Variants in NEGR1 observed in about 807,000 individuals in gnomAD.
NEGR1 encodes IgLON family member 4.
NEGR1 carries 10 observed loss-of-function variants against 40.9 expected under a neutral mutation model. That is an observed-to-expected ratio of 0.24 (90% CI 0.15 to 0.42). NEGR1 has a LOEUF of 0.42. Among genes scored for constraint, NEGR1 ranks in the 10% least tolerant of loss-of-function variants. NEGR1 has a pLI of 1.00. For missense variants in NEGR1, 352 were observed against 438.9 expected (o/e 0.80, Z 1.77); for synonymous variants, 185 against 166.8 (o/e 1.11, Z -0.84).
intron 6 of NEGR1, among the ~76,000 whole-genome samples, chr1:71,568,505 T>C (rs1403111916): frequency 6.6e-6 from 1 of 152,170 alleles, no homozygotes; most frequent in Non-Finnish European, 1.5e-5. Context: ...AAGAAATTTG[T>C]TCATTACTAG....
intron 1 of NEGR1, among the ~76,000 whole-genome samples, chr1:71,983,948 CCAG>C (rs1646374972): frequency 8.5e-6 from 1 of 117,614 alleles, no homozygotes; most frequent in East Asian, 5.8e-4. Flanking sequence ...AATTGTTCTA[CCAG>C]TCATAGAATC....
intron 1 of NEGR1, among the ~76,000 whole-genome samples, chr1:72,047,321 G>C (rs1338612776): frequency 6.6e-6 from 1 of 151,112 alleles, no homozygotes; most frequent in Non-Finnish European, 1.5e-5. Context: ...CAGCATGTAA[G>C]AAAATGAAAA....
chr1:71,635,450 A>G (rs1651115272), intron 4 of NEGR1, among the ~76,000 whole-genome samples: 1 of 152,040 alleles, frequency 6.6e-6, no homozygotes, highest in Admixed American at 6.6e-5. Context: ...AGTATAGAGT[A>G]CTATAGAGTT....
chr1:72,091,811 T>A (rs931809520), intron 1 of NEGR1, among the ~76,000 whole-genome samples: 1 of 152,174 alleles, frequency 6.6e-6, no homozygotes, highest in Non-Finnish European at 1.5e-5. Context: ...AGAAGTCCAA[T>A]ATCAAGATGC....
chr1:71,684,383 C>G (rs541252199), intron 4 of NEGR1, among the ~76,000 whole-genome samples: 1 of 152,194 alleles, frequency 6.6e-6, no homozygotes, highest in East Asian at 1.9e-4. Context: ...TTAAAACTTT[C>G]TTTAAGCGTT....
At chr1:71,459,222 C>T (rs1646697491) in intron 6 of NEGR1, among the ~76,000 whole-genome samples, 1 of 152,106 alleles carries the variant, frequency 6.6e-6, no homozygotes, top group African/African-American at 2.4e-5. Context: ...TTTAAAAGAA[C>T]AGCTTTAAGA....
At chr1:72,155,117 C>T (rs1651310951) in intron 1 of NEGR1, among the ~76,000 whole-genome samples, 1 of 151,710 alleles carries the variant, frequency 6.6e-6, no homozygotes, top group Non-Finnish European at 1.5e-5. Context: ...CACGGTGTAC[C>T]AGAAGTTCAT....
intron 6 of NEGR1, among the ~76,000 whole-genome samples, chr1:71,590,526 G>A (rs771444155): frequency 2.0e-5 from 3 of 151,894 alleles, no homozygotes; most frequent in Admixed American, 1.3e-4. Context: ...GCTTTGCCGG[G>A]TGTAGGCATT....
intron 2 of NEGR1, among the ~76,000 whole-genome samples, chr1:71,857,341 G>T (rs1342762078): frequency 6.6e-6 from 1 of 151,412 alleles, no homozygotes; most frequent in Non-Finnish European, 1.5e-5. Context: ...GCCAGGCACT[G>T]TGGCTCATGC....
intron 4 of NEGR1, among the ~76,000 whole-genome samples, chr1:71,667,210 C>G (rs1889636): frequency 0.029 from 4,366 of 152,198 alleles, 174 homozygotes; most frequent in African/African-American, 0.09. Context: ...GTTAGAAACA[C>G]AAGAGTTTAG....
chr1:72,191,423 GA>G (rs1652816610), intron 1 of NEGR1, among the ~76,000 whole-genome samples: 1 of 151,724 alleles, frequency 6.6e-6, no homozygotes, highest in African/African-American at 2.4e-5. Context: ...CACACAAAGG[GA>G]GAATGAGAGA....
rs1460935 is a variant in NEGR1, at chr1:72,208,626, T to C, written c.176+73693A>G. ...GTAGATTATAATTAAAGCACACCTA[T>C]AAAAACAAGGCTCACGTTAGCACTG... On this transcript the variant is annotated intron_variant, in intron 1 of 6. Transcript: ENST00000357731. 8.0e-3 allele frequency among the ~76,000 whole-genome samples: 1,214 copies of C among 151,786 alleles called. 23 individuals carry two copies. Among genetic ancestry groups the C allele is most frequent in the African/African-American group, 0.028 (1,158 of 41,522 alleles).
At chr1:72,196,412 A>G (rs1313449128) in intron 1 of NEGR1, among the ~76,000 whole-genome samples, 2 of 152,130 alleles carry the variant, frequency 1.3e-5, no homozygotes, top group Non-Finnish European at 2.9e-5. Context: ...ACTCATGCTA[A>G]AACGCTTACT....
chr1:71,850,005 T>C (rs1557676531), intron 2 of NEGR1, among the ~76,000 whole-genome samples: 1 of 152,150 alleles, frequency 6.6e-6, no homozygotes, highest in Non-Finnish European at 1.5e-5. Context: ...GGAAACAAAC[T>C]GGCAATGTCT....
chr1:71,956,152 C>G (rs1345013471), intron 1 of NEGR1, among the ~76,000 whole-genome samples: 1 of 152,098 alleles, frequency 6.6e-6, no homozygotes, highest in Non-Finnish European at 1.5e-5. Flanking sequence ...TATTACAGTA[C>G]TAAATATAGC....
At chr1:71,991,715 T>G (rs1434590881) in intron 1 of NEGR1, among the ~76,000 whole-genome samples, 1 of 152,192 alleles carries the variant, frequency 6.6e-6, no homozygotes, top group African/African-American at 2.4e-5. Context: ...TTACCCAGCT[T>G]TACAGCCCCA....
intron 1 of NEGR1, 123 bp from the exon 2 acceptor site, chr1:71,935,434 A>C: frequency 1.5e-6 from 1 of 662,490 alleles, no homozygotes; most frequent in Non-Finnish European, 2.6e-6. Context: ...AACATCAGAC[A>C]TTAACTCAGG....
intron 1 of NEGR1, among the ~76,000 whole-genome samples, chr1:71,946,561 T>C (rs944949249): frequency 2.0e-5 from 3 of 152,140 alleles, no homozygotes; most frequent in Non-Finnish European, 4.4e-5. Context: ...AACTCTACTT[T>C]AAAATAAACG....
At chr1:71,786,665 T>C (rs1656920481) in intron 2 of NEGR1, among the ~76,000 whole-genome samples, 1 of 152,146 alleles carries the variant, frequency 6.6e-6, no homozygotes. Flanking sequence ...CATCCACCCA[T>C]CTGCTTTTGT....
Sources: gnomAD v4.1 joint callset for allele counts (sites outside exome capture counted in the v4.1 genomes callset) on GRCh38, gnomAD v4.1.1 for gene constraint, MANE v1.5 for transcripts, NCBI Gene and HGNC (gene_info 2026-07-23, HGNC 2026-07-21) for gene names.